The following ATG4C variants were observed in gnomAD, a reference collection of about 807,000 sequenced individuals.
The protein encoded by ATG4C is cysteine protease ATG4C.
Under a neutral mutation model 57.6 loss-of-function variants are expected in ATG4C, and 56 were observed. The observed-to-expected ratio is 0.97, with a 90% CI of 0.78 to 1.21. The LOEUF (loss-of-function observed/expected upper bound fraction) is 1.21, where lower values mean the gene tolerates loss of function less well. Among genes scored for constraint, ATG4C ranks in the 50% most tolerant of loss-of-function variants. The probability of loss-of-function intolerance (pLI) is 0.00; values close to 1 mark genes in which losing one functional copy is unlikely to be tolerated. For missense variants in ATG4C, 595 were observed against 529.8 expected (o/e 1.12, Z -1.21); for synonymous variants, 157 against 174.1 (o/e 0.90, Z 0.78).
chr1:62,794,811 C>T (rs1664405400), intron 1 of ATG4C, among the ~76,000 whole-genome samples: 2 of 151,930 alleles, frequency 1.3e-5, no homozygotes, highest in African/African-American at 2.4e-5. Flanking sequence ...TAGAAATGGA[C>T]ACAATAATTG....
At chr1:62,793,618 A>AAAAAAAAAAAAAAAAAAC (rs1553221617) in intron 1 of ATG4C, among the ~76,000 whole-genome samples, 3 of 104,052 alleles carry the variant, frequency 2.9e-5, no homozygotes, top group Admixed American at 1.2e-4. Context: ...AAAAAAAAAA[A>AAAAAAAAAAAAAAAAAAC]AACCAAAAAA....
At chr1:62,856,862 T>G (rs1179080560) in intron 10 of ATG4C, among the ~76,000 whole-genome samples, 1 of 152,090 alleles carries the variant, frequency 6.6e-6, no homozygotes, top group East Asian at 1.9e-4. Flanking sequence ...GTAGGATGTT[T>G]ATGAGGTAGT....
chr1:62,800,304 T>A (rs1664615571), intron 1 of ATG4C, among the ~76,000 whole-genome samples: 1 of 152,230 alleles, frequency 6.6e-6, no homozygotes, highest in African/African-American at 2.4e-5. Context: ...TTTTAAATTC[T>A]AAAAATAATA....
chr1:62,815,073 AAAAT>A (rs200536076), intron 3 of ATG4C, among the ~76,000 whole-genome samples: 94 of 152,242 alleles, frequency 6.2e-4, no homozygotes, highest in Admixed American at 1.7e-3. Flanking sequence ...TCAAAAACTA[AAAAT>A]AAATAAATAA....
chr1:62,838,516 G>A (rs745744784), intron 9 of ATG4C, among the ~76,000 whole-genome samples: 9 of 152,138 alleles, frequency 5.9e-5, no homozygotes, highest in East Asian at 1.9e-4. Context: ...GATGGCTCCC[G>A]CCTGTAATCC....
chr1:62,785,640 G>A (rs976266070), intron 1 of ATG4C, among the ~76,000 whole-genome samples: 1 of 152,176 alleles, frequency 6.6e-6, no homozygotes, highest in African/African-American at 2.4e-5. Flanking sequence ...TAACTCAAAT[G>A]AGTTTGCAGC....
intron 1 of ATG4C, among the ~76,000 whole-genome samples, chr1:62,795,968 T>G (rs1664448257): frequency 6.6e-6 from 1 of 152,144 alleles, no homozygotes; most frequent in African/African-American, 2.4e-5. Flanking sequence ...GAGAATCTAA[T>G]GACACCACAT....
intron 10 of ATG4C, among the ~76,000 whole-genome samples, chr1:62,852,855 C>G (rs904162890): frequency 6.6e-6 from 1 of 150,962 alleles, no homozygotes; most frequent in African/African-American, 2.4e-5. Context: ...GAGATTTGCT[C>G]ATTTCTGTTT....
rs1666974849 is a variant in ATG4C, at chr1:62,865,492, GAAAT to G, written c.*1339_*1342del. 5 of 151,858 alleles carry G rather than the reference GAAAT, an allele frequency of 3.3e-5. No individual in the cohort carries two copies. Among genetic ancestry groups the G allele is most frequent in the African/African-American group, 1.2e-4 (5 of 41,404 alleles). The allele number at this position is 151,858 out of a possible 1,614,324, so 9.4% of individuals were successfully genotyped here. A position where few individuals can be genotyped will look rare whatever the true frequency, so the allele number is the denominator to read the frequency against. ...CTCAGTGAAGATTACTTACTGAGTT[GAAAT>G]AAATAGTCTGAAATCTAAAAGTTTT... On this transcript the variant is annotated 3_prime_UTR_variant, in exon 11 of 11. Coordinates refer to ENST00000317868, the MANE Select transcript of ATG4C (RefSeq NM_032852.4).
intron 10 of ATG4C, among the ~76,000 whole-genome samples, chr1:62,848,913 A>G (rs1240788505): frequency 1.3e-5 from 2 of 152,232 alleles, no homozygotes; most frequent in Non-Finnish European, 2.9e-5. Flanking sequence ...TTTGAAGATA[A>G]CAGGATACAT....
Position 62,809,480 on chromosome 1 carries a change from CAT to C in ATG4C, c.160+4231_160+4232del, listed in dbSNP as rs200182665. ...ACATGTATATATAAATACATATAGA[CAT>C]ATATAGTGTATATAATATATAGTCT... On this transcript the variant is annotated intron_variant, in intron 3 of 10. Coordinates refer to ENST00000317868, the MANE Select transcript of ATG4C (RefSeq NM_032852.4). 9.4e-3 allele frequency among the ~76,000 whole-genome samples: 1,359 copies of C among 145,240 alleles called. 14 individuals carry two copies. Among genetic ancestry groups the C allele is most frequent in the African/African-American group, 0.031 (1,243 of 39,740 alleles).
At chr1:62,839,245 G>T (rs546991617) in intron 9 of ATG4C, among the ~76,000 whole-genome samples, 6 of 151,944 alleles carry the variant, frequency 3.9e-5, no homozygotes, top group Non-Finnish European at 8.8e-5. Flanking sequence ...TTTTTTAGAG[G>T]TGGGGTCTTG....
Position 62,864,896 on chromosome 1 carries a change from C to T in ATG4C, c.*737C>T, listed in dbSNP as rs575559511. Reference sequence around the variant, plus strand: ...TAGTGTTTGTTTCCTATCTCAAGGGCGAAATTTTATGGGAACTCAATTTAT... The same window carrying T: ...TAGTGTTTGTTTCCTATCTCAAGGGTGAAATTTTATGGGAACTCAATTTAT... On this transcript the variant is annotated 3_prime_UTR_variant, in exon 11 of 11. Coordinates refer to ENST00000317868, the MANE Select transcript of ATG4C (RefSeq NM_032852.4). The T allele has an allele frequency of 2.6e-5, 4 of 151,836 alleles. No homozygotes were observed. The South Asian group carries it at 6.2e-4, about 24-fold the overall frequency. The allele number at this position is 151,836 out of a possible 1,614,324, so 9.4% of individuals were successfully genotyped here. A position where few individuals can be genotyped will look rare whatever the true frequency, so the allele number is the denominator to read the frequency against.
At chr1:62,826,678 G>T (rs895846175) in intron 6 of ATG4C, among the ~76,000 whole-genome samples, 1 of 150,394 alleles carries the variant, frequency 6.6e-6, no homozygotes, top group Non-Finnish European at 1.5e-5. Flanking sequence ...GTGTCATGTT[G>T]GTGTGCTCCA....
chr1:62,835,120 C>G (rs1028786075), intron 9 of ATG4C, among the ~76,000 whole-genome samples: 1 of 150,362 alleles, frequency 6.7e-6, no homozygotes, highest in African/African-American at 2.4e-5. Flanking sequence ...ATGATCAAGT[C>G]TCCAAGTAAT....
At chr1:62,840,181 G>GTCTTGCCC (rs1279756257) in intron 9 of ATG4C, among the ~76,000 whole-genome samples, 17 of 152,162 alleles carry the variant, frequency 1.1e-4, no homozygotes, top group African/African-American at 4.1e-4. Flanking sequence ...TGGAGTTGGA[G>GTCTTGCCC]TCTTGCCCTC....
chr1:62,791,868 T>C (rs1267405843), intron 1 of ATG4C, among the ~76,000 whole-genome samples: 1 of 150,926 alleles, frequency 6.6e-6, no homozygotes, highest in Non-Finnish European at 1.5e-5. Flanking sequence ...AATGGAACCA[T>C]TATGCTCCTA....
intron 9 of ATG4C, 106 bp from the exon 10 acceptor site, chr1:62,841,322 T>A: frequency 1.0e-6 from 1 of 995,704 alleles, no homozygotes; most frequent in Admixed American, 3.0e-5. Context: ...TTGAAAATCA[T>A]GTTTATAGTG....
chr1:62,803,614 A>T, intron 1 of ATG4C, 105 bp from the exon 2 acceptor site: 2 of 395,758 alleles, frequency 5.1e-6, no homozygotes, highest in South Asian at 1.1e-4. Flanking sequence ...TGTTTTGTTC[A>T]TTTGCAGTTC....
Sources: allele counts gnomAD v4.1 joint callset (sites outside exome capture counted in the v4.1 genomes callset), GRCh38; gene constraint gnomAD v4.1.1; transcripts MANE v1.5; gene names NCBI Gene and HGNC (gene_info 2026-07-23, HGNC 2026-07-21).